Variants in FGF7 observed in about 807,000 individuals in gnomAD.
FGF7 encodes FGF-7.
FGF7 carries 6 observed loss-of-function variants against 20.5 expected under a neutral mutation model. The ratio of observed to expected loss-of-function variants is 0.29; its 90% CI spans 0.16 to 0.58. The LOEUF (loss-of-function observed/expected upper bound fraction) is 0.58. FGF7 is among the 20% of genes least tolerant of loss of function. The probability of loss-of-function intolerance (pLI) is 0.90; values close to 1 mark genes in which losing one functional copy is unlikely to be tolerated. For synonymous variants in FGF7, 64 were observed against 74.7 expected, an observed-to-expected ratio of 0.86 and a Z score of 0.74; for missense variants, 144 against 228.8, an observed-to-expected ratio of 0.63 and a Z score of 2.39.
chr15:49,450,598 T>A (rs1042097507), intron 2 of FGF7, among the ~76,000 whole-genome samples: 9 of 152,146 alleles, frequency 5.9e-5, no homozygotes, highest in Non-Finnish European at 1.2e-4. Flanking sequence ...GAGCAACTAG[T>A]TTCCAGTGGT....
chr15:49,443,659 G>C (rs1361665380), intron 2 of FGF7, among the ~76,000 whole-genome samples: 1 of 151,724 alleles, frequency 6.6e-6, no homozygotes, highest in East Asian at 1.9e-4. Flanking sequence ...AGAAGTGAGT[G>C]AAGTTCCAAT....
chr15:49,423,793 A>G (rs2049891385), intron 1 of FGF7, among the ~76,000 whole-genome samples: 1 of 152,132 alleles, frequency 6.6e-6, no homozygotes, highest in South Asian at 2.1e-4. Flanking sequence ...CAAAATAGCA[A>G]TTGGAATGAA....
chr15:49,472,212 A>T (rs1197947867), intron 2 of FGF7, among the ~76,000 whole-genome samples: 1 of 152,196 alleles, frequency 6.6e-6, no homozygotes, highest in Non-Finnish European at 1.5e-5. Flanking sequence ...AGTTTGGCTT[A>T]AAAAATTGTT....
At chr15:49,458,560 T>A (rs995453252) in intron 2 of FGF7, among the ~76,000 whole-genome samples, 1 of 152,118 alleles carries the variant, frequency 6.6e-6, no homozygotes, top group African/African-American at 2.4e-5. Flanking sequence ...AAGAACAGGA[T>A]GACTAAAAAT....
At chr15:49,428,852 G>A (rs1360331891) in intron 2 of FGF7, among the ~76,000 whole-genome samples, 2 of 152,012 alleles carry the variant, frequency 1.3e-5, no homozygotes, top group African/African-American at 4.8e-5. Context: ...ACTGGCCAAT[G>A]ATTTGGCAAT....
chr15:49,430,315 T>C (rs923925917), intron 2 of FGF7, among the ~76,000 whole-genome samples: 1 of 151,840 alleles, frequency 6.6e-6, no homozygotes, highest in African/African-American at 2.4e-5. Context: ...GTACTTGAAG[T>C]ACAGGCCTCA....
chr15:49,467,498 T>C (rs185908211), intron 2 of FGF7, among the ~76,000 whole-genome samples: 2 of 152,298 alleles, frequency 1.3e-5, no homozygotes, highest in African/African-American at 4.8e-5. Context: ...GAAGATATTT[T>C]AGACTTTAGG....
chr15:49,433,331 C>T (rs895904636), intron 2 of FGF7, among the ~76,000 whole-genome samples: 3 of 151,462 alleles, frequency 2.0e-5, no homozygotes, highest in African/African-American at 7.3e-5. Flanking sequence ...CCATATCTTA[C>T]TTTTTATTTT....
intron 2 of FGF7, among the ~76,000 whole-genome samples, chr15:49,452,250 A>T (rs1053130921): frequency 6.6e-6 from 1 of 151,980 alleles, no homozygotes; most frequent in Non-Finnish European, 1.5e-5. Flanking sequence ...CTGGGGTTTC[A>T]CTGTGTTGGC....
At chr15:49,434,171 T>C (rs2050872832) in intron 2 of FGF7, among the ~76,000 whole-genome samples, 1 of 151,686 alleles carries the variant, frequency 6.6e-6, no homozygotes, top group Admixed American at 6.6e-5. Context: ...ATAGGCCTAG[T>C]TTATCTGGTT....
In FGF7 at chr15:49,486,455, T is replaced by A. The variant is rs2056409880; in HGVS notation, c.*1951T>A. 6.6e-6 allele frequency: 1 copy of A among 152,018 alleles called. No homozygotes were observed. Among genetic ancestry groups the A allele is most frequent in the African/African-American group, 2.4e-5 (1 of 41,418 alleles). 9.4% of individuals were successfully genotyped at this position (152,018 alleles called of 1,614,324 possible). On this transcript the variant is annotated 3_prime_UTR_variant, in exon 4 of 4. Transcript: ENST00000267843. ...GCAGAGGAGGACTTAGTTTTTCATA[T>A]GTGTTTCCTTAGTGCCTAGCAGACT...
intron 2 of FGF7, among the ~76,000 whole-genome samples, chr15:49,467,606 T>C (rs2054379044): frequency 6.6e-6 from 1 of 152,150 alleles, no homozygotes; most frequent in Non-Finnish European, 1.5e-5. Context: ...TCACATGTTC[T>C]GGGACTATAA....
intron 2 of FGF7, among the ~76,000 whole-genome samples, chr15:49,425,874 T>G (rs1245457970): frequency 6.6e-6 from 1 of 151,816 alleles, no homozygotes; most frequent in East Asian, 1.9e-4. Flanking sequence ...TCATTCTTAT[T>G]ATACTAAAGT....
chr15:49,429,632 C>G (rs1205571549), intron 2 of FGF7, among the ~76,000 whole-genome samples: 1 of 151,862 alleles, frequency 6.6e-6, no homozygotes, highest in Non-Finnish European at 1.5e-5. Context: ...ATCTCTCAAC[C>G]TTGTCTAAAT....
intron 2 of FGF7, among the ~76,000 whole-genome samples, chr15:49,428,807 G>T (rs958321044): frequency 1.3e-5 from 2 of 151,952 alleles, no homozygotes; most frequent in African/African-American, 4.8e-5. Flanking sequence ...AGCACTGTTA[G>T]TTCCATAGCA....
At chr15:49,451,639 A>T (rs2052753391) in intron 2 of FGF7, among the ~76,000 whole-genome samples, 1 of 152,148 alleles carries the variant, frequency 6.6e-6, no homozygotes, top group Non-Finnish European at 1.5e-5. Context: ...ATTTCAGTAA[A>T]CATGAAGTGA....
chr15:49,429,539 A>T (rs1446462788), intron 2 of FGF7, among the ~76,000 whole-genome samples: 2 of 151,900 alleles, frequency 1.3e-5, no homozygotes, highest in Non-Finnish European at 2.9e-5. Context: ...GTTCTAGAGC[A>T]TTCAGAGGCC....
chr15:49,445,631 G>C (rs1175627434), intron 2 of FGF7, among the ~76,000 whole-genome samples: 2 of 151,242 alleles, frequency 1.3e-5, no homozygotes, highest in East Asian at 3.9e-4. Context: ...ACATCACTGT[G>C]TACACCATAA....
At chr15:49,437,225 G>T (rs2051189295) in intron 2 of FGF7, among the ~76,000 whole-genome samples, 1 of 151,266 alleles carries the variant, frequency 6.6e-6, no homozygotes, top group South Asian at 2.1e-4. Flanking sequence ...AGATAACTTA[G>T]TCATATTTAG....
Sources: allele counts gnomAD v4.1 joint callset (sites outside exome capture counted in the v4.1 genomes callset), GRCh38; gene constraint gnomAD v4.1.1; transcripts MANE v1.5; gene names NCBI Gene and HGNC (gene_info 2026-07-23, HGNC 2026-07-21).